SOX5: variants seen among roughly 807,000 people sequenced by gnomAD.
SOX5 encodes the protein transcription factor SOX-5.
SOX5 carries 9 observed loss-of-function variants against 92.0 expected under a neutral mutation model. The observed-to-expected ratio is 0.10, with a 90% CI of 0.06 to 0.17. The LOEUF is 0.17. SOX5 is among the 10% of genes least tolerant of loss of function. The pLI is 1.00. For missense variants in SOX5, 642 were observed against 944.5 expected (o/e 0.68, Z 4.20); for synonymous variants, 344 against 336.3 (o/e 1.02, Z -0.25).
intron 3 of SOX5, among the ~76,000 whole-genome samples, chr12:23,817,935 G>A (rs2096028242): frequency 6.6e-6 from 1 of 152,162 alleles, no homozygotes; most frequent in South Asian, 2.1e-4. Context: ...TTTGCTGTCA[G>A]AATGAGAGAA....
intron 3 of SOX5, among the ~76,000 whole-genome samples, chr12:24,232,737 C>A (rs1205629320): frequency 2.0e-5 from 3 of 152,134 alleles, no homozygotes; most frequent in Admixed American, 2.0e-4. Context: ...TTGAGAAGTA[C>A]CTGCATACCA....
chr12:23,568,710 G>A (rs7969423), intron 10 of SOX5, among the ~76,000 whole-genome samples: 20,317 of 151,916 alleles, frequency 0.13, 1,714 homozygotes, highest in Non-Finnish European at 0.18. Flanking sequence ...TACAAGGCAG[G>A]CAAACCCTGA....
At position 23,769,788 on chromosome 12, in the gene SOX5, A is replaced by T. The variant is rs565472110; in HGVS notation, c.482-14064T>A. 4.6e-5 allele frequency among the ~76,000 whole-genome samples: 7 copies of T among 152,278 alleles called. No homozygotes were observed. The South Asian group carries it at 1.0e-3, about 23-fold the overall frequency. ...GAAGATCAACATTATGAAATACAAT[A>T]CTTATGAACAATCCAATGCTAAGAG... On this transcript the variant is annotated intron_variant, in intron 3 of 14. Coordinates refer to ENST00000451604, the MANE Select transcript of SOX5 (RefSeq NM_006940.6).
intron 4 of SOX5, among the ~76,000 whole-genome samples, chr12:24,104,177 A>G (rs1011718949): frequency 6.6e-6 from 1 of 152,230 alleles, no homozygotes; most frequent in Non-Finnish European, 1.5e-5. Flanking sequence ...TATGGAATGT[A>G]TGTCAATAAT....
intron 4 of SOX5, among the ~76,000 whole-genome samples, chr12:24,198,440 G>C (rs1211568817): frequency 6.6e-6 from 1 of 152,052 alleles, no homozygotes; most frequent in East Asian, 1.9e-4. Flanking sequence ...CTGTTTGTGG[G>C]TATGCTTCTA....
chr12:24,252,374 C>T (rs1265073860), intron 3 of SOX5, among the ~76,000 whole-genome samples: 1 of 152,064 alleles, frequency 6.6e-6, no homozygotes, highest in Non-Finnish European at 1.5e-5. Flanking sequence ...TTCGTTTTTA[C>T]ATAGAGAATG....
chr12:23,604,390 G>C lies in SOX5; in HGVS notation c.1161C>G (p.Ser387Arg). 6.2e-7 allele frequency: 1 copy of C among 1,613,556 alleles called. No individual in the cohort carries two copies. Among genetic ancestry groups the C allele is most frequent in the Non-Finnish European group, 8.5e-7 (1 of 1,179,636 alleles). Residue 387 changes from serine to arginine, a missense_variant, in exon 9 of 15, where the codon AGC becomes AGG. Physicochemically the swap from Ser to Arg is moderately radical, Grantham distance 110. This residue lies in a region of SOX5 where 324 missense variants were observed against 461.6 expected (regional missense o/e 0.70). Coordinates refer to ENST00000451604, the MANE Select transcript of SOX5 (RefSeq NM_006940.6). Reference protein sequence around the residue: ...DKSTNSPPPKSKDEVAQPLNL... With the variant: ...DKSTNSPPPKRKDEVAQPLNL... ...AGTGGCTTCTTCAAAAGGGTACCTT[G>C]CTTTTGGGTGGTGGGCTGTTTGTGC... is the stretch of plus-strand genomic sequence containing the variant.
intron 4 of SOX5, among the ~76,000 whole-genome samples, chr12:24,208,367 T>C (rs959369741): frequency 6.6e-6 from 1 of 152,216 alleles, no homozygotes; most frequent in Non-Finnish European, 1.5e-5. Context: ...CCACTTAGCA[T>C]AAGATTCAAA....
intron 4 of SOX5, among the ~76,000 whole-genome samples, chr12:24,169,928 G>A (rs911616991): frequency 3.9e-5 from 6 of 152,152 alleles, no homozygotes; most frequent in Admixed American, 1.3e-4. Flanking sequence ...GAGGGCTGGC[G>A]GAATGAATTC....
chr12:23,970,896 C>A (rs1948246184), intron 4 of SOX5, among the ~76,000 whole-genome samples: 1 of 116,918 alleles, frequency 8.6e-6, no homozygotes, highest in Admixed American at 9.9e-5. Context: ...CTCAAACAAT[C>A]CTTCCACCTC....
At chr12:23,896,456 A>G (rs1464283765) in intron 1 of SOX5, among the ~76,000 whole-genome samples, 1 of 152,170 alleles carries the variant, frequency 6.6e-6, no homozygotes, top group Non-Finnish European at 1.5e-5. Context: ...CAAAAAATAG[A>G]CTCAATATAT....
At chr12:24,435,280 A>C (rs1199994307) in intron 1 of SOX5, among the ~76,000 whole-genome samples, 2 of 152,176 alleles carry the variant, frequency 1.3e-5, no homozygotes, top group African/African-American at 4.8e-5. Context: ...GAGTGATGGG[A>C]AGATGAAGAT....
chr12:24,271,754 C>G (rs1943768594), intron 3 of SOX5, among the ~76,000 whole-genome samples: 1 of 152,146 alleles, frequency 6.6e-6, no homozygotes, highest in Non-Finnish European at 1.5e-5. Flanking sequence ...AAGGACTGCC[C>G]TTATTAGAAA....
At chr12:24,324,165 G>C (rs1440014181) in intron 2 of SOX5, among the ~76,000 whole-genome samples, 1 of 151,950 alleles carries the variant, frequency 6.6e-6, no homozygotes, top group Non-Finnish European at 1.5e-5. Context: ...CTTGAAGTTA[G>C]TTTTGAGATG....
At chr12:24,211,570 A>G (rs758603897) in intron 4 of SOX5, among the ~76,000 whole-genome samples, 25 of 152,236 alleles carry the variant, frequency 1.6e-4, no homozygotes, top group Admixed American at 2.0e-4. Flanking sequence ...TCTTTATCAA[A>G]TGATAAGTTG....
intron 4 of SOX5, among the ~76,000 whole-genome samples, chr12:24,020,443 A>T (rs1954150623): frequency 6.6e-6 from 1 of 152,190 alleles, no homozygotes; most frequent in Non-Finnish European, 1.5e-5. Context: ...GGAAGAAAAC[A>T]ATTAAGAGAA....
chr12:23,733,894 G>A (rs2093485006), intron 6 of SOX5, among the ~76,000 whole-genome samples: 2 of 152,118 alleles, frequency 1.3e-5, no homozygotes, highest in African/African-American at 4.8e-5. Context: ...TAGGTTCCTT[G>A]ATAGTCATAG....
intron 1 of SOX5, among the ~76,000 whole-genome samples, chr12:24,527,313 T>G (rs1486119676): frequency 6.6e-6 from 1 of 152,224 alleles, no homozygotes; most frequent in Non-Finnish European, 1.5e-5. Context: ...AGTGTCTCTC[T>G]GTACTGTGAT....
intron 2 of SOX5, among the ~76,000 whole-genome samples, chr12:23,885,057 G>T (rs1456447841): frequency 6.6e-6 from 1 of 152,076 alleles, no homozygotes; most frequent in Non-Finnish European, 1.5e-5. Context: ...ATGTTCTCCA[G>T]CTCCCATGTC....
Sources: gnomAD v4.1 joint callset for allele counts (sites outside exome capture counted in the v4.1 genomes callset) on GRCh38, gnomAD v4.1.1 for gene constraint, gnomAD v4.1.1 regional missense constraint, MANE v1.5 for transcripts, NCBI Gene and HGNC (gene_info 2026-07-23, HGNC 2026-07-21) for gene names.